The following MACROD2 variants were observed in gnomAD, a reference collection of about 807,000 sequenced individuals.
MACROD2 encodes the protein ADP-ribose glycohydrolase MACROD2.
In MACROD2, 36 loss-of-function variants were observed where a neutral mutation model predicts 70.4. The observed-to-expected ratio is 0.51, with a 90% CI of 0.39 to 0.68. MACROD2 has a LOEUF of 0.68. Among genes scored for constraint, MACROD2 ranks in the 30% least tolerant of loss-of-function variants. The pLI, the probability that MACROD2 is intolerant of heterozygous loss-of-function variation, is 0.00. For missense variants in MACROD2, 496 were observed against 538.4 expected (o/e 0.92, Z 0.78); for synonymous variants, 172 against 178.8 (o/e 0.96, Z 0.30).
intron 10 of MACROD2, 28 bp from the exon 11 acceptor site, chr20:15,933,248 T>A (rs1398679041): frequency 6.2e-7 from 1 of 1,610,576 alleles, no homozygotes; most frequent in Non-Finnish European, 8.5e-7. Context: ...CTTGATGCAT[T>A]TTTTTTCCTC....
chr20:15,995,322 C>CT (rs201165883), intron 15 of MACROD2, among the ~76,000 whole-genome samples: 127 of 141,718 alleles, frequency 9.0e-4, no homozygotes, highest in Middle Eastern at 7.4e-3. Context: ...GGATGTAAGT[C>CT]TTTTTTTTTT....
At chr20:14,891,619 T>C (rs1194926734) in intron 5 of MACROD2, among the ~76,000 whole-genome samples, 3 of 152,134 alleles carry the variant, frequency 2.0e-5, no homozygotes, top group African/African-American at 7.2e-5. Flanking sequence ...TGCCTTCTTA[T>C]ATACAAGCCT....
intron 16 of MACROD2, among the ~76,000 whole-genome samples, chr20:16,043,383 G>A (rs1229246561): frequency 1.3e-5 from 2 of 152,054 alleles, no homozygotes; most frequent in East Asian, 3.9e-4. Flanking sequence ...GCCTAGGCTA[G>A]CTTCTGCAGA....
chr20:15,048,117 T>TAAATAAATAAATA lies in MACROD2; in HGVS notation c.419-181821_419-181820insATAAATAAATAAA, dbSNP rs368002923. ...TGTCTCTAGTAAATAAATAAATAAATAATAAAAAATTAGCCAGGTGTGGTG... is the reference window on the plus strand; with the variant it reads ...TGTCTCTAGTAAATAAATAAATAAATAAATAAATAAATAAATAAAAAATTAGCCAGGTGTGGTG... On this transcript the variant is annotated intron_variant, in intron 5 of 17. Transcript: ENST00000684519. 2.0e-5 allele frequency among the ~76,000 whole-genome samples: 3 copies of TAAATAAATAAATA among 150,306 alleles called. 1 individual carries two copies. The highest frequency in any genetic ancestry group is 4.4e-5 in the Non-Finnish European group (3 of 67,674).
intron 6 of MACROD2, among the ~76,000 whole-genome samples, chr20:15,253,111 C>A (rs1292828737): frequency 6.6e-6 from 1 of 152,106 alleles, no homozygotes; most frequent in Non-Finnish European, 1.5e-5. Flanking sequence ...AAGGCCAAAC[C>A]AGCTACTTTG....
chr20:15,805,190 A>G (rs1251411395), intron 8 of MACROD2, among the ~76,000 whole-genome samples: 3 of 152,190 alleles, frequency 2.0e-5, no homozygotes, highest in Admixed American at 1.3e-4. Context: ...ACAAAGGCAC[A>G]GTGTGGGTTA....
intron 3 of MACROD2, among the ~76,000 whole-genome samples, chr20:14,228,141 C>CTA (rs955901133): frequency 3.4e-5 from 5 of 145,884 alleles, no homozygotes; most frequent in Non-Finnish European, 7.5e-5. Context: ...CTCTTAAAAA[C>CTA]TATATATATA....
intron 3 of MACROD2, among the ~76,000 whole-genome samples, chr20:14,387,729 T>C (rs538989070): frequency 1.1e-3 from 175 of 152,330 alleles, no homozygotes; most frequent in African/African-American, 4.1e-3. Flanking sequence ...GGCTAAAGGA[T>C]GGTAGCTGCT....
At chr20:15,151,042 C>G (rs187267177) in intron 5 of MACROD2, among the ~76,000 whole-genome samples, 2 of 152,014 alleles carry the variant, frequency 1.3e-5, no homozygotes, top group Non-Finnish European at 2.9e-5. Flanking sequence ...TAAAGCTCGG[C>G]GTCCACGATG....
chr20:14,264,085 A>G lies in MACROD2; in HGVS notation c.271+178357A>G, dbSNP rs116183751. Reference sequence around the variant, plus strand: ...GTGCATGAAAATTGGTAAAGCTACTATGAAGAATGGTTGAAGGAACCGAGC... The same window carrying G: ...GTGCATGAAAATTGGTAAAGCTACTGTGAAGAATGGTTGAAGGAACCGAGC... On this transcript the variant is annotated intron_variant, in intron 3 of 17. Coordinates refer to ENST00000684519, the MANE Select transcript of MACROD2 (RefSeq NM_001351661.2). 5.7e-3 allele frequency among the ~76,000 whole-genome samples: 866 copies of G among 152,104 alleles called. 8 individuals carry two copies. The highest frequency in any genetic ancestry group is 0.02 in the African/African-American group (819 of 41,506).
intron 15 of MACROD2, among the ~76,000 whole-genome samples, chr20:16,028,100 C>T (rs1028901626): frequency 6.6e-6 from 1 of 152,224 alleles, no homozygotes; most frequent in Non-Finnish European, 1.5e-5. Flanking sequence ...GACCACTATA[C>T]AGAGAAGCTG....
chr20:14,471,207 G>A (rs1293994200), intron 3 of MACROD2, among the ~76,000 whole-genome samples: 1 of 152,144 alleles, frequency 6.6e-6, no homozygotes, highest in Non-Finnish European at 1.5e-5. Flanking sequence ...CTTCCCGGAT[G>A]AGGCAACGCT....
chr20:14,871,050 T>C (rs1230183401), intron 5 of MACROD2, among the ~76,000 whole-genome samples: 1 of 152,054 alleles, frequency 6.6e-6, no homozygotes, highest in African/African-American at 2.4e-5. Flanking sequence ...GGTACTGGTA[T>C]ACTTGAAAGA....
intron 6 of MACROD2, among the ~76,000 whole-genome samples, chr20:15,375,365 C>G (rs1330837550): frequency 6.6e-6 from 1 of 152,096 alleles, no homozygotes; most frequent in Non-Finnish European, 1.5e-5. Flanking sequence ...TTAAGCCTCC[C>G]CAATTCCAGC....
intron 3 of MACROD2, among the ~76,000 whole-genome samples, chr20:14,383,136 T>A (rs1337773408): frequency 6.6e-6 from 1 of 152,158 alleles, no homozygotes; most frequent in African/African-American, 2.4e-5. Flanking sequence ...GGATTAAAAA[T>A]GCATTCTTGC....
At chr20:15,176,507 C>T (rs987853284) in intron 5 of MACROD2, among the ~76,000 whole-genome samples, 1 of 152,130 alleles carries the variant, frequency 6.6e-6, no homozygotes, top group African/African-American at 2.4e-5. Context: ...CTCAGGACTA[C>T]CAGCTGCAGG....
At chr20:14,908,117 G>T (rs975095957) in intron 5 of MACROD2, among the ~76,000 whole-genome samples, 3 of 152,108 alleles carry the variant, frequency 2.0e-5, no homozygotes, top group African/African-American at 7.2e-5. Flanking sequence ...GCCGAGACAG[G>T]CGGATCACCC....
intron 17 of MACROD2, among the ~76,000 whole-genome samples, chr20:16,048,626 A>G (rs1358241496): frequency 1.3e-5 from 2 of 152,166 alleles, no homozygotes; most frequent in Non-Finnish European, 2.9e-5. Flanking sequence ...AGGAAATCCC[A>G]CCACGATCCC....
intron 3 of MACROD2, among the ~76,000 whole-genome samples, chr20:14,391,013 A>C (rs1228494003): frequency 1.3e-5 from 2 of 152,198 alleles, no homozygotes; most frequent in Admixed American, 6.5e-5. Context: ...GGGCACTTAC[A>C]TACTGTTGGT....
Sources: gnomAD v4.1 joint callset for allele counts (sites outside exome capture counted in the v4.1 genomes callset) on GRCh38, gnomAD v4.1.1 for gene constraint, MANE v1.5 for transcripts, NCBI Gene and HGNC (gene_info 2026-07-23, HGNC 2026-07-21) for gene names.